SPATS2L: variants seen among roughly 807,000 people sequenced by gnomAD.
SPATS2L encodes SPATS2-like protein.
Under a neutral mutation model 59.6 loss-of-function variants are expected in SPATS2L, and 30 were observed. That is an observed-to-expected ratio of 0.50 (90% CI 0.38 to 0.68). SPATS2L has a LOEUF of 0.68. Among genes scored for constraint, SPATS2L ranks in the 30% least tolerant of loss-of-function variants. SPATS2L has a pLI of 0.00. For synonymous variants in SPATS2L, 252 were observed against 263.5 expected (o/e 0.96, Z 0.42); for missense variants, 615 against 700.0 (o/e 0.88, Z 1.37).
intron 11 of SPATS2L, among the ~76,000 whole-genome samples, 177 bp from the exon 12 acceptor site, chr2:200,472,655 T>TAG (rs905515486): frequency 1.3e-5 from 2 of 152,224 alleles, no homozygotes; most frequent in Admixed American, 1.3e-4. Context: ...AAAAGAAATT[T>TAG]GGTTGTTCTC....
intron 2 of SPATS2L, 74 bp from the exon 3 acceptor site, chr2:200,389,149 T>C: frequency 1.1e-6 from 1 of 893,632 alleles, no homozygotes; most frequent in South Asian, 1.6e-5. Flanking sequence ...TTGTTTACTG[T>C]GTTGGAAGAG....
chr2:200,318,485 G>T (rs559501077), intron 1 of SPATS2L, among the ~76,000 whole-genome samples: 84 of 152,310 alleles, frequency 5.5e-4, no homozygotes, highest in Non-Finnish European at 9.8e-4. Context: ...GTGCTGGTTT[G>T]TAGCACTGAA....
chr2:200,384,529 T>G (rs1267037765), intron 2 of SPATS2L, among the ~76,000 whole-genome samples: 6 of 152,178 alleles, frequency 3.9e-5, no homozygotes, highest in Non-Finnish European at 7.4e-5. Flanking sequence ...ATTTTCTGTA[T>G]TTTTAGTAGA....
At position 200,469,947 on chromosome 2, in the gene SPATS2L, C is replaced by T. The variant is rs1311082064; in HGVS notation, c.991C>T (p.Leu331Phe). The change falls in exon 11 of 13, where the codon CTC (leucine) becomes TTC (phenylalanine). Residue 331 changes from leucine to phenylalanine, a missense_variant. This residue lies in a region of SPATS2L where 104 missense variants were observed against 162.5 expected (regional missense o/e 0.64). Transcript: ENST00000409140. ...CAGCGAGCGTAAATATGACGAGGAGCTCGGGAAAGCTGCCCGGTTTTCCTG... is the reference window on the plus strand; with the variant it reads ...CAGCGAGCGTAAATATGACGAGGAGTTCGGGAAAGCTGCCCGGTTTTCCTG... ...FVSERKYDEELGKAARFSCDI... is the reference protein window; with the variant it reads ...FVSERKYDEEFGKAARFSCDI... 2 of 1,611,992 alleles carry T rather than the reference C, an allele frequency of 1.2e-6. No homozygotes were observed. The highest frequency in any genetic ancestry group is 1.1e-5 in the South Asian group (1 of 90,400).
intron 2 of SPATS2L, among the ~76,000 whole-genome samples, chr2:200,378,789 G>C (rs1236069238): frequency 6.6e-6 from 1 of 152,162 alleles, no homozygotes; most frequent in African/African-American, 2.4e-5. Flanking sequence ...TATAAACACA[G>C]AGCTTTTGTT....
At chr2:200,424,137 T>A (rs1345339770) in intron 6 of SPATS2L, among the ~76,000 whole-genome samples, 1 of 152,068 alleles carries the variant, frequency 6.6e-6, no homozygotes, top group Non-Finnish European at 1.5e-5. Context: ...TTTTACATAA[T>A]CCAATCAAAA....
chr2:200,329,594 C>A, intron 2 of SPATS2L, 114 bp downstream of exon 2: 1 of 884,530 alleles, frequency 1.1e-6, no homozygotes. Flanking sequence ...GCCGCCTCTG[C>A]TGCCTCTCAG....
chr2:200,336,011 ACT>A (rs999498542), intron 2 of SPATS2L, among the ~76,000 whole-genome samples: 1 of 152,206 alleles, frequency 6.6e-6, no homozygotes, highest in African/African-American at 2.4e-5. Context: ...TGCCTAGTTA[ACT>A]GGATTTACAA....
At chr2:200,342,551 C>A (rs1298173538) in intron 2 of SPATS2L, among the ~76,000 whole-genome samples, 1 of 152,230 alleles carries the variant, frequency 6.6e-6, no homozygotes, top group Non-Finnish European at 1.5e-5. Context: ...TATGTTCACA[C>A]AAGTCAGGTT....
At chr2:200,464,201 G>A (rs1160365187) in intron 9 of SPATS2L, among the ~76,000 whole-genome samples, 1 of 152,182 alleles carries the variant, frequency 6.6e-6, no homozygotes, top group African/African-American at 2.4e-5. Context: ...TTGTTTGTTT[G>A]TGTGATTGAT....
At chr2:200,382,644 A>G (rs1385694697) in intron 2 of SPATS2L, among the ~76,000 whole-genome samples, 1 of 152,112 alleles carries the variant, frequency 6.6e-6, no homozygotes, top group Non-Finnish European at 1.5e-5. Flanking sequence ...GGACTGCCTT[A>G]GGTTTGAGTC....
chr2:200,385,918 C>T (rs1422230943), intron 2 of SPATS2L, among the ~76,000 whole-genome samples: 2 of 152,332 alleles, frequency 1.3e-5, no homozygotes, highest in South Asian at 2.1e-4. Flanking sequence ...TGGTCTCGAT[C>T]TCCTGACCTC....
intron 8 of SPATS2L, among the ~76,000 whole-genome samples, chr2:200,445,188 G>A: frequency 6.6e-6 from 1 of 152,102 alleles, no homozygotes. Context: ...TGGTTCGTCT[G>A]TAGTTCCAGC....
At chr2:200,330,589 G>C (rs1167640150) in intron 2 of SPATS2L, among the ~76,000 whole-genome samples, 1 of 152,140 alleles carries the variant, frequency 6.6e-6, no homozygotes, top group Non-Finnish European at 1.5e-5. Context: ...TTTTCCTTTG[G>C]TTAGGCAGCT....
At chr2:200,315,793 GT>G (rs1367481317) in intron 1 of SPATS2L, among the ~76,000 whole-genome samples, 1 of 145,880 alleles carries the variant, frequency 6.9e-6, no homozygotes, top group Non-Finnish European at 1.5e-5. Context: ...GATAGCACCT[GT>G]TGCCTTAAGA....
intron 2 of SPATS2L, among the ~76,000 whole-genome samples, chr2:200,360,966 G>T (rs151092402): frequency 1.7e-5 from 1 of 60,604 alleles, no homozygotes; most frequent in East Asian, 7.2e-4. Context: ...GCAGAACAGG[G>T]CTGTGTGTGT....
chr2:200,379,269 C>T (rs1036668702), intron 2 of SPATS2L, among the ~76,000 whole-genome samples: 2 of 152,192 alleles, frequency 1.3e-5, no homozygotes, highest in African/African-American at 4.8e-5. Flanking sequence ...GAGTAGCTTA[C>T]CTCTCTGTGC....
At chr2:200,433,237 C>A (rs2084056034) in intron 6 of SPATS2L, among the ~76,000 whole-genome samples, 1 of 152,068 alleles carries the variant, frequency 6.6e-6, no homozygotes, top group African/African-American at 2.4e-5. Flanking sequence ...CAGTGTAGAT[C>A]TTAATATCAG....
chr2:200,364,454 C>T (rs533805875), intron 2 of SPATS2L, among the ~76,000 whole-genome samples: 201 of 152,230 alleles, frequency 1.3e-3, no homozygotes, highest in African/African-American at 4.7e-3. Flanking sequence ...CACTGAGTGC[C>T]CTGTTCCCGT....
Sources: gnomAD v4.1 joint callset for allele counts (sites outside exome capture counted in the v4.1 genomes callset) on GRCh38, gnomAD v4.1.1 for gene constraint, gnomAD v4.1.1 regional missense constraint, MANE v1.5 for transcripts, NCBI Gene and HGNC (gene_info 2026-07-23, HGNC 2026-07-21) for gene names.